Variants in ADAM2 observed in about 807,000 individuals in gnomAD.
ADAM2 encodes ADAM metallopeptidase domain 2.
ADAM2 carries 101 observed loss-of-function variants against 99.3 expected under a neutral mutation model. That is an observed-to-expected ratio of 1.02 (90% CI 0.87 to 1.20). The LOEUF is 1.20. ADAM2 is among the 50% of genes most tolerant of loss of function. The pLI, the probability that ADAM2 is intolerant of heterozygous loss-of-function variation, is 0.00. For synonymous variants in ADAM2, 323 were observed against 287.6 expected (o/e 1.12, Z -1.25); for missense variants, 948 against 878.7 (o/e 1.08, Z -1.00).
At chr8:39,756,752 AGGACTT>A (rs1802165727) in intron 15 of ADAM2, among the ~76,000 whole-genome samples, 2 of 152,220 alleles carry the variant, frequency 1.3e-5, no homozygotes, top group African/African-American at 4.8e-5. Context: ...TCATCGAGGA[AGGACTT>A]GGAGTTGATA....
At chr8:39,768,441 C>A (rs947869851) in intron 12 of ADAM2, among the ~76,000 whole-genome samples, 1 of 152,084 alleles carries the variant, frequency 6.6e-6, no homozygotes, top group African/African-American at 2.4e-5. Context: ...ATTTCATTCC[C>A]TTTATCTCTG....
At chr8:39,804,790 C>T (rs1463276684) in intron 7 of ADAM2, among the ~76,000 whole-genome samples, 1 of 151,982 alleles carries the variant, frequency 6.6e-6, no homozygotes, top group East Asian at 1.9e-4. Context: ...ATATTTTTGG[C>T]TTCTGAATGC....
intron 18 of ADAM2, among the ~76,000 whole-genome samples, chr8:39,747,792 A>G (rs1425138660): frequency 6.6e-6 from 1 of 152,186 alleles, no homozygotes; most frequent in Admixed American, 6.5e-5. Flanking sequence ...GTGATGCCAA[A>G]CAATTTACCA....
chr8:39,821,805 G>T lies in ADAM2; in HGVS notation c.268-143C>A, dbSNP rs558454435. On this transcript the variant is annotated intron_variant, in intron 4 of 20. Coordinates refer to ENST00000265708, the MANE Select transcript of ADAM2 (RefSeq NM_001464.5). ...ATGGATTTATAATGTTATTAGATGA[G>T]CATATGGCTTGGTTTTCCAAAGTAC... 108 of 576,062 alleles carry T rather than the reference G, an allele frequency of 1.9e-4. 2 individuals carry two copies. In the South Asian group the frequency reaches 2.8e-3, roughly 15 times the overall value. 35.7% of individuals were successfully genotyped at this position (576,062 alleles called of 1,614,324 possible). A position where few individuals can be genotyped will look rare whatever the true frequency, so the allele number is the denominator to read the frequency against.
intron 3 of ADAM2, among the ~76,000 whole-genome samples, chr8:39,827,160 A>C (rs556077706): frequency 6.6e-6 from 1 of 152,284 alleles, no homozygotes; most frequent in East Asian, 1.9e-4. Context: ...CATCAGAAAA[A>C]AGTATATCAA....
chr8:39,785,364 C>T (rs1803422228), intron 10 of ADAM2, among the ~76,000 whole-genome samples: 1 of 152,074 alleles, frequency 6.6e-6, no homozygotes, highest in Non-Finnish European at 1.5e-5. Flanking sequence ...AAATAAAAAA[C>T]AACAGATGCT....
In ADAM2 at chr8:39,766,992, G is replaced by A; in HGVS notation, c.1363C>T (p.Pro455Ser). 6.2e-7 allele frequency: 1 copy of A among 1,614,116 alleles called. No individual in the cohort carries two copies. The highest frequency in any genetic ancestry group is 1.6e-4 in the Middle Eastern group (1 of 6,062). ...GCAGATGATCCATTGCAATATTCAG[G>A]GAGGTCGCATTCTTCAAAGGAAGGC... The part of the protein sequence containing the change: ...CRPSFEECDL[P>S]EYCNGSSASC... Residue 455 changes from proline to serine, a missense_variant, in exon 14 of 21, where the codon CCT becomes TCT. By Grantham distance (74) the Pro-to-Ser change is moderately conservative (BLOSUM62 -1). Coordinates refer to ENST00000265708, the MANE Select transcript of ADAM2 (RefSeq NM_001464.5).
At chr8:39,790,280 G>A (rs1338430833) in intron 7 of ADAM2, among the ~76,000 whole-genome samples, 1 of 151,910 alleles carries the variant, frequency 6.6e-6, no homozygotes, top group Non-Finnish European at 1.5e-5. Flanking sequence ...AGTGGAAAAA[G>A]TGAAATGTCC....
At chr8:39,782,164 T>G (rs1419212542) in intron 10 of ADAM2, among the ~76,000 whole-genome samples, 1 of 152,196 alleles carries the variant, frequency 6.6e-6, no homozygotes, top group Non-Finnish European at 1.5e-5. Flanking sequence ...TTCTTGAAGA[T>G]GTCTCTTTTT....
intron 6 of ADAM2, among the ~76,000 whole-genome samples, chr8:39,811,473 A>T (rs1255124551): frequency 6.6e-6 from 1 of 152,218 alleles, no homozygotes; most frequent in African/African-American, 2.4e-5. Flanking sequence ...AGACACAACA[A>T]AAAAAGTAAA....
chr8:39,785,568 G>T lies in ADAM2; in HGVS notation c.891+1406C>A, dbSNP rs1352239907. On this transcript the variant is annotated intron_variant, in intron 10 of 20. Transcript: ENST00000265708. ...CCCAGCACTTTGGGAGACCAAGGCG[G>T]GGGGATCACATGAGGTCAGGAGTTC... is the stretch of plus-strand genomic sequence containing the variant. Among the ~76,000 whole-genome samples the T allele has an allele frequency of 2.0e-5, 3 of 152,136 alleles. No homozygotes were observed. In the East Asian group the frequency reaches 5.8e-4, roughly 29 times the overall value.
intron 7 of ADAM2, among the ~76,000 whole-genome samples, chr8:39,789,139 A>T (rs1041851784): frequency 6.6e-6 from 1 of 151,746 alleles, no homozygotes; most frequent in South Asian, 2.1e-4. Context: ...TATACCATAC[A>T]AACATCACTA....
chr8:39,794,797 T>A (rs2129585904), intron 7 of ADAM2, among the ~76,000 whole-genome samples: 1 of 152,164 alleles, frequency 6.6e-6, no homozygotes, highest in African/African-American at 2.4e-5. Flanking sequence ...GGAGCTTGAC[T>A]CTTGAGACAG....
chr8:39,756,946 G>T (rs1162076952), intron 15 of ADAM2, among the ~76,000 whole-genome samples: 2 of 152,130 alleles, frequency 1.3e-5, no homozygotes, highest in African/African-American at 4.8e-5. Flanking sequence ...CACAGTTACT[G>T]GACATTCCCA....
At chr8:39,784,552 A>C (rs1464110469) in intron 10 of ADAM2, among the ~76,000 whole-genome samples, 1 of 151,998 alleles carries the variant, frequency 6.6e-6, no homozygotes, top group Non-Finnish European at 1.5e-5. Flanking sequence ...TATTTTTTTA[A>C]ATTATTGTAG....
chr8:39,831,649 C>T (rs1805622836), intron 3 of ADAM2, among the ~76,000 whole-genome samples: 1 of 152,004 alleles, frequency 6.6e-6, no homozygotes, highest in African/African-American at 2.4e-5. Flanking sequence ...TCACTTTGTA[C>T]AGAAATCCTA....
At chr8:39,782,938 C>T (rs1336166297) in intron 10 of ADAM2, among the ~76,000 whole-genome samples, 2 of 152,006 alleles carry the variant, frequency 1.3e-5, no homozygotes, top group African/African-American at 2.4e-5. Context: ...ATCTATAATG[C>T]TTTTTGGAGA....
chr8:39,812,721 T>C (rs992429192), intron 6 of ADAM2, among the ~76,000 whole-genome samples: 1 of 152,174 alleles, frequency 6.6e-6, no homozygotes, highest in African/African-American at 2.4e-5. Context: ...TAGCCATATG[T>C]AGAAAGCTGA....
intron 20 of ADAM2, among the ~76,000 whole-genome samples, 151 bp downstream of exon 20, chr8:39,744,679 A>G (rs949547164): frequency 6.6e-6 from 1 of 152,106 alleles, no homozygotes; most frequent in Non-Finnish European, 1.5e-5. Context: ...CCAATACCTA[A>G]TGCATGTGGG....
Sources: gnomAD v4.1 joint callset for allele counts (sites outside exome capture counted in the v4.1 genomes callset) on GRCh38, gnomAD v4.1.1 for gene constraint, MANE v1.5 for transcripts, NCBI Gene and HGNC (gene_info 2026-07-23, HGNC 2026-07-21) for gene names.